Variants in TF observed in about 807,000 individuals in gnomAD.
TF encodes transferrin, also known as serotransferrin.
A neutral mutation model predicts 82.4 loss-of-function variants in TF; 55 were observed. The ratio of observed to expected loss-of-function variants is 0.67; its 90% CI spans 0.54 to 0.84. The LOEUF (loss-of-function observed/expected upper bound fraction) is 0.84. TF is among the 40% of genes least tolerant of loss of function. The pLI, the probability that TF is intolerant of heterozygous loss-of-function variation, is 0.00. For missense variants in TF, 737 were observed against 868.4 expected (o/e 0.85, Z 1.90); for synonymous variants, 332 against 332.6 (o/e 1.00, Z 0.02).
the TF span, among the ~76,000 whole-genome samples, chr3:133,678,684 C>G: frequency 6.6e-6 from 1 of 152,156 alleles, no homozygotes; most frequent in Non-Finnish European, 1.5e-5. Context: ...TGTTCATATC[C>G]TTTGCCCACT....
At chr3:133,707,418 A>T in the TF span, 1 of 152,316 alleles carries the variant, frequency 6.6e-6, no homozygotes, top group African/African-American at 2.4e-5. Context: ...CTACTGCTGG[A>T]AAGCCACCTC....
the TF span, among the ~76,000 whole-genome samples, chr3:133,680,114 T>C: frequency 6.6e-6 from 1 of 152,346 alleles, no homozygotes; most frequent in Non-Finnish European, 1.5e-5. Flanking sequence ...ATATAGTCTT[T>C]TATGATGTTT....
intron 9 of TF, among the ~76,000 whole-genome samples, chr3:133,763,394 G>GA (rs1934044468): frequency 6.6e-6 from 1 of 152,106 alleles, no homozygotes; most frequent in South Asian, 2.1e-4. Context: ...ACGTTTTAAA[G>GA]AAAAAAATGA....
the TF span, among the ~76,000 whole-genome samples, chr3:133,729,634 G>C: frequency 1.3e-5 from 2 of 152,202 alleles, no homozygotes; most frequent in African/African-American, 2.4e-5. Flanking sequence ...GCCTCGCCCT[G>C]TTTCGGCTCG....
the TF span, among the ~76,000 whole-genome samples, chr3:133,682,950 A>T: frequency 6.6e-6 from 1 of 152,224 alleles, no homozygotes; most frequent in Non-Finnish European, 1.5e-5. Flanking sequence ...GGGCAGCCAG[A>T]GAGAAAGGTT....
the TF span, among the ~76,000 whole-genome samples, chr3:133,739,557 G>A: frequency 0.59 from 89,181 of 151,750 alleles, 26,727 homozygotes; most frequent in East Asian, 0.76. Context: ...AATTTTTACA[G>A]TCTATCCCTC....
chr3:133,704,481 C>A, the TF span, among the ~76,000 whole-genome samples: 1 of 152,046 alleles, frequency 6.6e-6, no homozygotes, highest in Non-Finnish European at 1.5e-5. Flanking sequence ...GAGCCAGAAA[C>A]AATTAAGATA....
At chr3:133,714,269 T>C in the TF span, among the ~76,000 whole-genome samples, 1 of 152,170 alleles carries the variant, frequency 6.6e-6, no homozygotes, top group African/African-American at 2.4e-5. Flanking sequence ...GATTTAACTC[T>C]AGGTATTGTG....
rs8177209 is a variant in TF at position 133,752,498 on chromosome 3, A to G, written c.217-1097A>G. ...AGACATTTAAAACAAAAAAGGAGTA[A>G]AACTATGTGTTTAAGTGTCTAAATA... is the stretch of plus-strand genomic sequence containing the variant. On this transcript the variant is annotated intron_variant, in intron 2 of 16. Transcript: ENST00000402696. Among the ~76,000 whole-genome samples the G allele has an allele frequency of 3.6e-3, 553 of 152,336 alleles. 2 individuals are homozygous for G. The highest frequency in any genetic ancestry group is 0.012 in the African/African-American group (508 of 41,578).
At position 133,792,915 on chromosome 3, in the gene TF, C is replaced by T. The variant is rs1934876109; in HGVS notation, c.*14295C>T. On this transcript the variant is annotated 3_prime_UTR_variant, in exon 17 of 17. Transcript: ENST00000402696. Reference sequence around the variant, plus strand: ...AAAATAAAAGCACAAACAGGGTTTTCTTAAAGCACCGATCTGCTCTTTAAC... The same window carrying T: ...AAAATAAAAGCACAAACAGGGTTTTTTTAAAGCACCGATCTGCTCTTTAAC... 1 of 152,072 alleles carries T rather than the reference C, an allele frequency of 6.6e-6. No individual in the cohort carries two copies. Among genetic ancestry groups the T allele is most frequent in the Admixed American group, 6.5e-5 (1 of 15,268 alleles). 9.4% of individuals were successfully genotyped at this position (152,072 alleles called of 1,614,324 possible).
chr3:133,729,219 G>T, the TF span, among the ~76,000 whole-genome samples: 1 of 152,220 alleles, frequency 6.6e-6, no homozygotes, highest in Non-Finnish European at 1.5e-5. Context: ...GTCTGCAGAG[G>T]TTACTGCTGT....
At chr3:133,768,878 A>G (rs1045962508) in intron 13 of TF, among the ~76,000 whole-genome samples, 6 of 143,354 alleles carry the variant, frequency 4.2e-5, no homozygotes, top group Admixed American at 3.0e-4. Flanking sequence ...CTGCAGCCTC[A>G]ACCTGCTGAG....
chr3:133,670,130 G>C, the TF span, among the ~76,000 whole-genome samples: 2 of 152,232 alleles, frequency 1.3e-5, no homozygotes, highest in African/African-American at 2.4e-5. Context: ...ATGGAAGCAG[G>C]CTGCCTAGTT....
chr3:133,686,442 C>G, the TF span, among the ~76,000 whole-genome samples: 10 of 152,202 alleles, frequency 6.6e-5, no homozygotes, highest in Non-Finnish European at 1.3e-4. Context: ...TTTTTGCAAT[C>G]TACCCATCTG....
the TF span, among the ~76,000 whole-genome samples, chr3:133,716,743 C>T: frequency 6.6e-6 from 1 of 152,218 alleles, no homozygotes; most frequent in African/African-American, 2.4e-5. Flanking sequence ...TTTCCCATAT[C>T]ACTCGGAGTA....
the TF span, chr3:133,709,428 T>G: frequency 6.6e-6 from 1 of 152,658 alleles, no homozygotes; most frequent in African/African-American, 2.4e-5. Context: ...GCTGGCCAGA[T>G]CTCACTGGAT....
upstream of TF, chr3:133,746,271 G>T: frequency 1.4e-6 from 1 of 726,430 alleles, no homozygotes; most frequent in Non-Finnish European, 2.4e-6. Flanking sequence ...GACGAGTAAG[G>T]AAGGGGGGTT....
chr3:133,706,244 C>T, the TF span, among the ~76,000 whole-genome samples: 4 of 152,158 alleles, frequency 2.6e-5, no homozygotes, highest in Non-Finnish European at 5.9e-5. Flanking sequence ...AGAGACCTCA[C>T]GAGAGAAGGA....
chr3:133,764,812 G>A (rs988975235), intron 10 of TF, 63 bp from the exon 11 acceptor site: 3 of 1,516,500 alleles, frequency 2.0e-6, no homozygotes, highest in Admixed American at 1.8e-5. Context: ...ATAAAAAAAA[G>A]GCATGGTTTC....
Sources: allele counts gnomAD v4.1 joint callset (sites outside exome capture counted in the v4.1 genomes callset), GRCh38; gene constraint gnomAD v4.1.1; transcripts MANE v1.5; gene names NCBI Gene and HGNC (gene_info 2026-07-23, HGNC 2026-07-21).